Variants in TMTC2 observed in about 807,000 individuals in gnomAD.
The protein encoded by TMTC2 is transmembrane O-mannosyltransferase targeting cadherins 2, also known as protein O-mannosyl-transferase TMTC2.
TMTC2 carries 43 observed loss-of-function variants against 82.4 expected under a neutral mutation model. That is an observed-to-expected ratio of 0.52 (90% CI 0.41 to 0.67). The LOEUF is 0.67. Among genes scored for constraint, TMTC2 ranks in the 30% least tolerant of loss-of-function variants. The probability of loss-of-function intolerance (pLI) is 0.00; values close to 1 mark genes in which losing one functional copy is unlikely to be tolerated. For synonymous variants in TMTC2, 408 were observed against 381.9 expected, an observed-to-expected ratio of 1.07 and a Z score of -0.80; for missense variants, 919 against 1,012.4, an observed-to-expected ratio of 0.91 and a Z score of 1.25.
At chr12:82,720,126 G>C (rs1208289802) in intron 1 of TMTC2, among the ~76,000 whole-genome samples, 1 of 151,986 alleles carries the variant, frequency 6.6e-6, no homozygotes, top group Non-Finnish European at 1.5e-5. Flanking sequence ...ATGGTTTTTA[G>C]TATATTCACA....
chr12:82,761,225 C>T (rs1188280422), intron 1 of TMTC2, among the ~76,000 whole-genome samples: 1 of 152,146 alleles, frequency 6.6e-6, no homozygotes, highest in Non-Finnish European at 1.5e-5. Context: ...TTTTCTCACT[C>T]TGAAACAACA....
At chr12:82,697,986 T>G (rs1028461377) in intron 1 of TMTC2, among the ~76,000 whole-genome samples, 2 of 152,174 alleles carry the variant, frequency 1.3e-5, no homozygotes, top group Admixed American at 1.3e-4. Flanking sequence ...TGATTATTAT[T>G]AGTGACATTC....
chr12:83,085,413 C>G (rs1883619131), intron 11 of TMTC2, among the ~76,000 whole-genome samples: 2 of 152,138 alleles, frequency 1.3e-5, no homozygotes, highest in Non-Finnish European at 2.9e-5. Context: ...CATCATGCTA[C>G]AAACCATTTT....
chr12:83,090,777 T>C (rs1205239026), intron 11 of TMTC2, among the ~76,000 whole-genome samples: 3 of 152,176 alleles, frequency 2.0e-5, no homozygotes, highest in African/African-American at 7.2e-5. Flanking sequence ...TCTAGCTACA[T>C]CACTCTCCTG....
At chr12:83,020,185 G>A (rs7975608) in intron 8 of TMTC2, among the ~76,000 whole-genome samples, 89,308 of 151,988 alleles carry the variant, frequency 0.59, 26,701 homozygotes, top group South Asian at 0.73. Context: ...TCTTAGCACC[G>A]GAAGTTTTTC....
chr12:82,743,084 T>C (rs1875502302), intron 1 of TMTC2, among the ~76,000 whole-genome samples: 1 of 152,208 alleles, frequency 6.6e-6, no homozygotes, highest in Non-Finnish European at 1.5e-5. Context: ...TTCTGAGCAT[T>C]GATTTACCTT....
chr12:82,810,289 T>C (rs1205565795), intron 1 of TMTC2, among the ~76,000 whole-genome samples: 4 of 151,674 alleles, frequency 2.6e-5, no homozygotes, highest in African/African-American at 9.7e-5. Context: ...CTTTAAAATA[T>C]AGTGGATGAG....
chr12:83,082,853 G>T (rs1053154221), intron 11 of TMTC2, among the ~76,000 whole-genome samples: 2 of 152,138 alleles, frequency 1.3e-5, no homozygotes, highest in Non-Finnish European at 2.9e-5. Context: ...CCTCAGTGAC[G>T]TCCCTATTTG....
chr12:82,985,863 T>A lies in TMTC2; in HGVS notation c.1949-62T>A, dbSNP rs532085679. 3.0e-4 allele frequency: 477 copies of A among 1,574,734 alleles called. 2 individuals are homozygous for A. The African/African-American group carries it at 6.0e-3, about 20-fold the overall frequency. ...TATGATGATGATGATGATGATGCTG[T>A]TGCAAATAATGTGGAAAAGCTGTAT... is the stretch of plus-strand genomic sequence containing the variant. On this transcript the variant is annotated intron_variant, in intron 7 of 11. Transcript: ENST00000321196.
intron 1 of TMTC2, among the ~76,000 whole-genome samples, chr12:82,726,483 T>G (rs1280770081): frequency 6.6e-6 from 1 of 151,794 alleles, no homozygotes; most frequent in African/African-American, 2.4e-5. Flanking sequence ...CAGAGACTTT[T>G]CAGTGATGCT....
At chr12:82,967,199 A>G (rs567305963) in intron 7 of TMTC2, among the ~76,000 whole-genome samples, 1 of 152,254 alleles carries the variant, frequency 6.6e-6, no homozygotes, top group East Asian at 1.9e-4. Context: ...AGCGATTCCC[A>G]ACACCTTGGT....
chr12:82,757,313 G>T (rs528795888), intron 1 of TMTC2, among the ~76,000 whole-genome samples: 10 of 152,304 alleles, frequency 6.6e-5, no homozygotes, highest in Non-Finnish European at 8.8e-5. Context: ...TGCTTCATTT[G>T]TATAGTTGTT....
intron 11 of TMTC2, among the ~76,000 whole-genome samples, chr12:83,094,269 G>T (rs2137523776): frequency 6.6e-6 from 1 of 152,346 alleles, no homozygotes; most frequent in African/African-American, 2.4e-5. Context: ...AATTGCCTTG[G>T]CTGAGCCTTG....
chr12:82,967,701 T>G (rs2137307827), intron 7 of TMTC2, among the ~76,000 whole-genome samples: 1 of 152,224 alleles, frequency 6.6e-6, no homozygotes, highest in South Asian at 2.1e-4. Context: ...TAAGGTGGCC[T>G]AATGACTAAT....
At chr12:82,757,337 T>A (rs1285962848) in intron 1 of TMTC2, among the ~76,000 whole-genome samples, 3 of 152,240 alleles carry the variant, frequency 2.0e-5, no homozygotes, top group African/African-American at 7.2e-5. Flanking sequence ...TTTTGCAATT[T>A]GCTCATGAGT....
At chr12:83,130,463 A>G (rs573311854) in intron 11 of TMTC2, among the ~76,000 whole-genome samples, 1 of 152,294 alleles carries the variant, frequency 6.6e-6, no homozygotes, top group South Asian at 2.1e-4. Flanking sequence ...CTTGATAAGT[A>G]TGGAGTCATC....
intron 8 of TMTC2, among the ~76,000 whole-genome samples, chr12:83,020,174 C>T (rs1422516989): frequency 6.6e-6 from 1 of 152,164 alleles, no homozygotes; most frequent in Non-Finnish European, 1.5e-5. Flanking sequence ...GTTTGTCATA[C>T]TCTTAGCACC....
intron 4 of TMTC2, among the ~76,000 whole-genome samples, chr12:82,957,115 C>T (rs1482104585): frequency 1.3e-5 from 2 of 152,048 alleles, no homozygotes; most frequent in Non-Finnish European, 2.9e-5. Context: ...CACCCAAGAT[C>T]GACTACATGC....
At position 82,918,741 on chromosome 12, in the gene TMTC2, T is replaced by C. The variant is rs1180465906; in HGVS notation, c.1484-11690T>C. ...CTCTCTCTCTCTCTCTCTCTCTCTTTCTCTCCCTCTCTCTCTCTCTCTCTC... is the reference window on the plus strand; with the variant it reads ...CTCTCTCTCTCTCTCTCTCTCTCTTCCTCTCCCTCTCTCTCTCTCTCTCTC... On this transcript the variant is annotated intron_variant, in intron 3 of 11. Coordinates refer to ENST00000321196, the MANE Select transcript of TMTC2 (RefSeq NM_152588.3). 4.7e-5 allele frequency among the ~76,000 whole-genome samples: 7 copies of C among 147,794 alleles called. No individual in the cohort carries two copies. The East Asian group carries it at 1.4e-3, about 30-fold the overall frequency.
Sources: allele counts gnomAD v4.1 joint callset (sites outside exome capture counted in the v4.1 genomes callset), GRCh38; gene constraint gnomAD v4.1.1; transcripts MANE v1.5; gene names NCBI Gene and HGNC (gene_info 2026-07-23, HGNC 2026-07-21).